Variants in EMC3 observed in about 807,000 individuals in gnomAD.
The protein encoded by EMC3 is 30 kDa protein.
EMC3 carries 13 observed loss-of-function variants against 36.6 expected under a neutral mutation model. That is an observed-to-expected ratio of 0.35 (90% CI 0.23 to 0.56). EMC3 has a LOEUF of 0.56. Ranked by LOEUF, EMC3 falls within the 20% of genes least tolerant of loss-of-function variation. The probability of loss-of-function intolerance (pLI) is 0.84; values close to 1 mark genes in which losing one functional copy is unlikely to be tolerated. For missense variants in EMC3, 220 were observed against 324.5 expected, an observed-to-expected ratio of 0.68 and a Z score of 2.47; for synonymous variants, 120 against 111.9, an observed-to-expected ratio of 1.07 and a Z score of -0.46.
chr3:9,965,599 CACT>C (rs1448215891), intron 7 of EMC3, among the ~76,000 whole-genome samples: 2 of 152,094 alleles, frequency 1.3e-5, no homozygotes, highest in African/African-American at 4.8e-5. Context: ...CAACCACCAC[CACT>C]ATCTAATTGC....
intron 1 of EMC3, chr3:10,001,016 A>T: frequency 8.3e-6 from 2 of 241,440 alleles, no homozygotes; most frequent in East Asian, 9.9e-5. Flanking sequence ...CCCACTCTTT[A>T]CTTTTTTTGT....
chr3:9,972,832 CTTT>C (rs113982519), intron 5 of EMC3, among the ~76,000 whole-genome samples: 1 of 141,976 alleles, frequency 7.0e-6, no homozygotes, highest in African/African-American at 2.6e-5. Context: ...AAATCCTCAT[CTTT>C]TTTTTTTTTT....
intron 1 of EMC3, among the ~76,000 whole-genome samples, chr3:9,978,746 C>T (rs2085877005): frequency 6.6e-6 from 1 of 152,078 alleles, no homozygotes; most frequent in African/African-American, 2.4e-5. Context: ...AGGAGAATCA[C>T]TTGAACCAGG....
At chr3:9,980,241 T>C (rs940388892) in intron 1 of EMC3, among the ~76,000 whole-genome samples, 6 of 151,992 alleles carry the variant, frequency 3.9e-5, no homozygotes, top group Non-Finnish European at 7.4e-5. Context: ...CTCGAATTCC[T>C]GACATCAGAT....
chr3:9,971,405 A>G (rs1251026732), intron 5 of EMC3, among the ~76,000 whole-genome samples: 1 of 152,234 alleles, frequency 6.6e-6, no homozygotes, highest in Non-Finnish European at 1.5e-5. Context: ...ACAAAAATGC[A>G]TATGGGAAGT....
chr3:9,971,512 T>C (rs953712260), intron 5 of EMC3, among the ~76,000 whole-genome samples: 1 of 152,158 alleles, frequency 6.6e-6, no homozygotes, highest in East Asian at 1.9e-4. Context: ...GGTAAGTAAA[T>C]GGCCTGTCTG....
chr3:9,975,951 A>C (rs1168258878), intron 3 of EMC3, among the ~76,000 whole-genome samples: 1 of 152,066 alleles, frequency 6.6e-6, no homozygotes, highest in Non-Finnish European at 1.5e-5. Context: ...TAAAAAATTA[A>C]CTCCATACAA....
At chr3:10,010,328 G>C (rs1295319629) in intron 1 of EMC3, 2 of 152,162 alleles carry the variant, frequency 1.3e-5, no homozygotes, top group Non-Finnish European at 2.9e-5. Context: ...AGCTACTCCG[G>C]AGGCTGAGGC....
In EMC3 at chr3:9,963,913, C is replaced by A; in HGVS notation, c.*156G>T. 7.9e-7 allele frequency: 1 copy of A among 1,263,522 alleles called. No individual in the cohort carries two copies. Among genetic ancestry groups the A allele is most frequent in the Non-Finnish European group, 1.1e-6 (1 of 913,876 alleles). 78.3% of individuals were successfully genotyped at this position (1,263,522 alleles called of 1,614,324 possible). ...TACTCCTATTTCCTCTAGTTTCAAA[C>A]ATAAAGGGGAACCCAGCCCAGACAA... On this transcript the variant is annotated 3_prime_UTR_variant, in exon 8 of 8. Coordinates refer to ENST00000245046, the MANE Select transcript of EMC3 (RefSeq NM_001394674.1).
chr3:9,999,173 A>G (rs1409275134), intron 1 of EMC3, among the ~76,000 whole-genome samples: 2 of 151,798 alleles, frequency 1.3e-5, no homozygotes, highest in East Asian at 1.9e-4. Flanking sequence ...CTCCCATTCT[A>G]TGGGTTTTCA....
intron 7 of EMC3, 75 bp from the exon 8 acceptor site, chr3:9,964,272 A>G (rs1333045313): frequency 5.7e-6 from 9 of 1,570,926 alleles, no homozygotes; most frequent in Admixed American, 1.9e-5. Context: ...TTTAGTGACC[A>G]CTTACTCTGG....
intron 1 of EMC3, chr3:10,008,202 A>G: frequency 2.7e-6 from 1 of 364,466 alleles, no homozygotes; most frequent in South Asian, 2.2e-5. Context: ...GAGAGGGCAC[A>G]TTCCCCAGGC....
chr3:9,975,131 C>T (rs1225058120), intron 3 of EMC3, among the ~76,000 whole-genome samples: 2 of 152,116 alleles, frequency 1.3e-5, no homozygotes, highest in Non-Finnish European at 2.9e-5. Context: ...TCCCAAAGTG[C>T]TGGGATTACA....
upstream of EMC3, among the ~76,000 whole-genome samples, chr3:9,989,631 TG>T (rs1213863928): frequency 6.6e-6 from 1 of 152,182 alleles, no homozygotes; most frequent in Non-Finnish European, 1.5e-5. Flanking sequence ...AATAAAGCAA[TG>T]AAAAAAATGA....
chr3:9,997,373 A>G (rs373830632), intron 1 of EMC3, among the ~76,000 whole-genome samples: 1 of 152,046 alleles, frequency 6.6e-6, no homozygotes, highest in Admixed American at 6.6e-5. Flanking sequence ...CCCAGCCAGC[A>G]TATTTTCAAG....
chr3:9,973,765 T>C lies in EMC3; in HGVS notation c.413-56A>G, dbSNP rs1217325400. On this transcript the variant is annotated intron_variant, in intron 4 of 7. Transcript: ENST00000245046. Reference sequence around the variant, plus strand: ...TGAGCTGTTTTATTTTTAGAATAAGTGTGACTCTTTCTCAGAGGAGGTGGG... The same window carrying C: ...TGAGCTGTTTTATTTTTAGAATAAGCGTGACTCTTTCTCAGAGGAGGTGGG... 3 of 1,497,678 alleles carry C rather than the reference T, an allele frequency of 2.0e-6. No individual in the cohort carries two copies. In the East Asian group the frequency reaches 6.8e-5, roughly 34 times the overall value. 92.8% of individuals were successfully genotyped at this position (1,497,678 alleles called of 1,614,324 possible).
intron 7 of EMC3, chr3:9,969,318 A>T: frequency 1.4e-5 from 15 of 1,107,794 alleles, no homozygotes; most frequent in Non-Finnish European, 1.7e-5. Context: ...TGTCCCACAA[A>T]AATCATACTA....
At chr3:9,977,244 A>C in intron 2 of EMC3, 145 bp downstream of exon 2, 2 of 865,516 alleles carry the variant, frequency 2.3e-6, no homozygotes, top group South Asian at 1.8e-5. Context: ...GGGTGAGGTC[A>C]CCATGAGAGC....
chr3:9,970,952 T>G (rs2085779091), intron 5 of EMC3, among the ~76,000 whole-genome samples: 1 of 151,556 alleles, frequency 6.6e-6, no homozygotes, highest in East Asian at 1.9e-4. Context: ...AGACGGAGTC[T>G]CACCCTGTTA....
Sources: allele counts gnomAD v4.1 joint callset (sites outside exome capture counted in the v4.1 genomes callset), GRCh38; gene constraint gnomAD v4.1.1; transcripts MANE v1.5; gene names NCBI Gene and HGNC (gene_info 2026-07-23, HGNC 2026-07-21).